OTX2: variants seen among roughly 807,000 people sequenced by gnomAD.
OTX2 encodes the protein homeobox protein OTX2.
A neutral mutation model predicts 29.0 loss-of-function variants in OTX2; 4 were observed. The ratio of observed to expected loss-of-function variants is 0.14; its 90% CI spans 0.07 to 0.32. OTX2 has a LOEUF of 0.32. OTX2 is among the 10% of genes least tolerant of loss of function. The pLI, the probability that OTX2 is intolerant of heterozygous loss-of-function variation, is 1.00. For synonymous variants in OTX2, 134 were observed against 141.0 expected (o/e 0.95, Z 0.35); for missense variants, 298 against 365.9 (o/e 0.81, Z 1.51).
intron 2 of OTX2, among the ~76,000 whole-genome samples, chr14:56,808,659 A>G (rs1219933296): frequency 1.3e-5 from 2 of 152,116 alleles, no homozygotes; most frequent in Non-Finnish European, 2.9e-5. Context: ...TGGTGCCTGT[A>G]AAAAGTCCCG....
intron 2 of OTX2, 148 bp downstream of exon 2, chr14:56,810,011 C>T (rs1487993774): frequency 2.0e-5 from 3 of 152,176 alleles, no homozygotes; most frequent in Admixed American, 1.3e-4. Context: ...TATTACACCT[C>T]AAAATTTGTA....
rs758228717 is a variant in OTX2 at position 56,801,871 on chromosome 14, G to A, written c.758C>T (p.Ala253Val). Residue 253 changes from alanine to valine, a missense_variant, in exon 5 of 5, where the codon GCT (alanine) becomes GTT (valine). By Grantham distance (64) the Ala-to-Val change is moderately conservative (BLOSUM62 0). Around this residue, in one of 3 missense-constraint regions of OTX2, gnomAD observed 219 missense variants for 223.5 expected, o/e 0.98. Coordinates refer to ENST00000672264, the MANE Select transcript of OTX2 (RefSeq NM_021728.4). This position sits in a 1 kb window ranked among gnomAD's most constrained non-coding sequence, Gnocchi z 4.2. ...PASLSTQGYG[A>V]SSLGFNSTTD... The stretch of plus-strand genomic sequence containing the variant: ...GGTTGAGTTAAAACCCAAGCTTGAA[G>A]CTCCATATCCCTGGGTGGAAAGAGA... 9 of 1,614,204 alleles carry A rather than the reference G, an allele frequency of 5.6e-6. No homozygotes were observed. The East Asian group carries it at 1.8e-4, about 32-fold the overall frequency.
At chr14:56,808,295 T>C (rs953458797) in intron 2 of OTX2, among the ~76,000 whole-genome samples, 1 of 152,168 alleles carries the variant, frequency 6.6e-6, no homozygotes. Context: ...TCGTCCGGGC[T>C]GATTAATTTT....
intron 2 of OTX2, among the ~76,000 whole-genome samples, chr14:56,809,061 G>A (rs1424127641): frequency 2.0e-5 from 3 of 152,206 alleles, no homozygotes; most frequent in Admixed American, 6.5e-5. Flanking sequence ...GCCCGGCCCC[G>A]AGCCACGACA....
At chr14:56,808,751 A>G (rs1237350751) in intron 2 of OTX2, among the ~76,000 whole-genome samples, 1 of 152,098 alleles carries the variant, frequency 6.6e-6, no homozygotes, top group Non-Finnish European at 1.5e-5. Flanking sequence ...TCCCCTCCCC[A>G]AGCAATCCAC....
At chr14:56,809,097 G>C (rs957843530) in intron 2 of OTX2, among the ~76,000 whole-genome samples, 1 of 152,214 alleles carries the variant, frequency 6.6e-6, no homozygotes, top group Non-Finnish European at 1.5e-5. Context: ...GCCTGGGAAG[G>C]GGGTGCGCGA....
rs532411479 is a variant in OTX2, at chr14:56,802,811, T to G, written c.274-456A>C. On this transcript the variant is annotated intron_variant, in intron 4 of 4. Transcript: ENST00000672264. This position sits in a 1 kb window ranked among gnomAD's most constrained non-coding sequence, Gnocchi z 4.4. The stretch of plus-strand genomic sequence containing the variant: ...AGGAACAGCCTAAATTCATTTACAG[T>G]TCATCTTCCAGGAAGCAACTGCTAA... 6.6e-6 allele frequency among the ~76,000 whole-genome samples: 1 copy of G among 152,330 alleles called. No individual in the cohort carries two copies. The highest frequency in any genetic ancestry group is 6.5e-5 in the Admixed American group (1 of 15,308).
In OTX2 at chr14:56,802,436, C is replaced by G; in HGVS notation, c.274-81G>C. The stretch of plus-strand genomic sequence containing the variant: ...AATGGCTCCCGTATTATAAATCTAT[C>G]CTACATGGGCAGATCAGCTAAACAC... On this transcript the variant is annotated intron_variant, in intron 4 of 4. Coordinates refer to ENST00000672264, the MANE Select transcript of OTX2 (RefSeq NM_021728.4). This position sits in a 1 kb window ranked among gnomAD's most constrained non-coding sequence, Gnocchi z 4.4. 3 of 1,471,152 alleles carry G rather than the reference C, an allele frequency of 2.0e-6. No homozygotes were observed. Among genetic ancestry groups the G allele is most frequent in the Non-Finnish European group, 2.8e-6 (3 of 1,057,838 alleles). 91.1% of individuals were successfully genotyped at this position (1,471,152 alleles called of 1,614,324 possible).
At chr14:56,805,712 C>A in intron 2 of OTX2, 137 bp from the exon 3 acceptor site, 2 of 444,404 alleles carry the variant, frequency 4.5e-6, no homozygotes, top group Non-Finnish European at 8.2e-6. Flanking sequence ...TGCAGACACT[C>A]CCCCCACCCC....
In OTX2 at chr14:56,805,223, C is replaced by A. The variant is rs973775562; in HGVS notation, c.97+137G>T. On this transcript the variant is annotated intron_variant, in intron 3 of 4. Coordinates refer to ENST00000672264, the MANE Select transcript of OTX2 (RefSeq NM_021728.4). ...TGGGACTGCTTCCTCAGAAGGCAAACCTAGAGGAGACCAAGCCTGAAGCTG... is the reference window on the plus strand; with the variant it reads ...TGGGACTGCTTCCTCAGAAGGCAAAACTAGAGGAGACCAAGCCTGAAGCTG... 15 of 673,366 alleles carry A rather than the reference C, an allele frequency of 2.2e-5. 1 individual carries two copies. The Admixed American group carries it at 3.2e-4, about 14-fold the overall frequency. The allele number at this position is 673,366 out of a possible 1,614,324, so 41.7% of individuals were successfully genotyped here. A position where few individuals can be genotyped will look rare whatever the true frequency, so the allele number is the denominator to read the frequency against.
intron 4 of OTX2, among the ~76,000 whole-genome samples, chr14:56,803,846 G>A (rs1891978474): frequency 6.6e-6 from 1 of 152,136 alleles, no homozygotes; most frequent in African/African-American, 2.4e-5. Context: ...GACTGTCCAA[G>A]AGCTAAGCTG....
intron 2 of OTX2, among the ~76,000 whole-genome samples, chr14:56,809,194 C>A (rs1306677486): frequency 1.3e-5 from 2 of 152,272 alleles, no homozygotes; most frequent in East Asian, 1.9e-4. Context: ...CTGGCCCGGC[C>A]GCGGCCTTGG....
chr14:56,802,173 G>A lies in OTX2; in HGVS notation c.456C>T (p.Ser152=), dbSNP rs1325619239. The A allele has an allele frequency of 1.2e-6, 2 of 1,614,018 alleles. No individual in the cohort carries two copies. Among genetic ancestry groups the A allele is most frequent in the Non-Finnish European group, 1.7e-6 (2 of 1,179,970 alleles). The change falls in exon 5 of 5, where the codon AGC becomes AGT. Residue 152 remains serine (S), a synonymous_variant. Transcript: ENST00000672264. This position sits in a 1 kb window ranked among gnomAD's most constrained non-coding sequence, Gnocchi z 4.4. ...PSSTSVPTIA[S]SSAPVSIWSP... is the part of the protein sequence containing the mutation. ...TCCAGATAGACACAGGAGCACTGCT[G>A]CTGGCAATGGTCGGGACTGAGGTGC...
chr14:56,804,480 C>T lies in OTX2; in HGVS notation c.98-117G>A. 2 of 948,928 alleles carry T rather than the reference C, an allele frequency of 2.1e-6. No homozygotes were observed. The highest frequency in any genetic ancestry group is 2.6e-5 in the East Asian group (1 of 38,052). The allele number at this position is 948,928 out of a possible 1,614,324, so 58.8% of individuals were successfully genotyped here. ...TCACAGCCCTTCAGCCGGGAGCCTA[C>T]CAATGCTCTCCCCACCGTCTCCCCA... is the stretch of plus-strand genomic sequence containing the variant. On this transcript the variant is annotated intron_variant, in intron 3 of 4. Transcript: ENST00000672264. The surrounding 1 kb of genome is among the most constrained non-coding windows in gnomAD (Gnocchi z 4.1).
At chr14:56,809,487 A>G (rs1331295642) in intron 2 of OTX2, among the ~76,000 whole-genome samples, 1 of 152,198 alleles carries the variant, frequency 6.6e-6, no homozygotes, top group Admixed American at 6.5e-5. Context: ...AGGCTGAGGG[A>G]GAGGAGGCCA....
Position 56,800,684 on chromosome 14 carries a change from G to T in OTX2, c.*1051C>A, listed in dbSNP as rs1040647003. On this transcript the variant is annotated 3_prime_UTR_variant, in exon 5 of 5. Transcript: ENST00000672264. ...AGGCTTCTTATTCATAAATAGCGGT[G>T]TAAAATTAAACTGGACCCAATGTTG... The T allele has an allele frequency of 6.6e-6, 1 of 152,518 alleles. No homozygotes were observed. The highest frequency in any genetic ancestry group is 2.4e-5 in the African/African-American group (1 of 41,418). 9.4% of individuals were successfully genotyped at this position (152,518 alleles called of 1,614,324 possible).
In OTX2 at chr14:56,801,707, C is replaced by G. The variant is rs1457686689; in HGVS notation, c.*28G>C. The G allele has an allele frequency of 6.2e-7, 1 of 1,611,184 alleles. No homozygotes were observed. Among genetic ancestry groups the G allele is most frequent in the South Asian group, 1.1e-5 (1 of 90,968 alleles). On this transcript the variant is annotated 3_prime_UTR_variant, in exon 5 of 5. Coordinates refer to ENST00000672264, the MANE Select transcript of OTX2 (RefSeq NM_021728.4). This position sits in a 1 kb window ranked among gnomAD's most constrained non-coding sequence, Gnocchi z 4.2. ...TGTCCAGCCCAGTATATTTAAAAATCACCCACAAAAAGAGGTTCTACAGGT... is the reference window on the plus strand; with the variant it reads ...TGTCCAGCCCAGTATATTTAAAAATGACCCACAAAAAGAGGTTCTACAGGT...
Position 56,809,260 on chromosome 14 carries a change from C to T in OTX2, c.-120+899G>A, listed in dbSNP as rs1340795466. Among the ~76,000 whole-genome samples, 9 of 152,304 alleles carry T rather than the reference C, an allele frequency of 5.9e-5. No individual in the cohort carries two copies. In the East Asian group the frequency reaches 1.8e-3, roughly 30 times the overall value. On this transcript the variant is annotated intron_variant, in intron 2 of 4. Transcript: ENST00000672264. ...GCCCGCCCCAGGTGCGCGCGGAGGG[C>T]TACGTGGGGCGGGCCGCGACCCGGC...
Position 56,805,361 on chromosome 14 carries a change from C to T in OTX2, c.96G>A (p.Pro32=). 2 of 1,607,298 alleles carry T rather than the reference C, an allele frequency of 1.2e-6. No homozygotes were observed. Among genetic ancestry groups the T allele is most frequent in the Admixed American group, 1.7e-5 (1 of 60,000 alleles). ...MDLLHPSVGY[P]GPWASCPAAT... Reference sequence around the variant, plus strand: ...GGGAGTGCAGCAGGGCTCACTTACCCGGGTAGCCCACGGAGGGGTGCAGCA... The same window carrying T: ...GGGAGTGCAGCAGGGCTCACTTACCTGGGTAGCCCACGGAGGGGTGCAGCA... The change falls in exon 3 of 5, where the codon CCG becomes CCA. Residue 32 remains proline, a splice_region_variant and synonymous_variant. Coordinates refer to ENST00000672264, the MANE Select transcript of OTX2 (RefSeq NM_021728.4).
Sources: gnomAD v4.1 joint callset for allele counts (sites outside exome capture counted in the v4.1 genomes callset) on GRCh38, gnomAD v4.1.1 for gene constraint, gnomAD v4.1.1 regional missense constraint, Gnocchi (gnomAD v3.1) non-coding constraint, MANE v1.5 for transcripts, NCBI Gene and HGNC (gene_info 2026-07-23, HGNC 2026-07-21) for gene names.